SGCD: variants seen among roughly 807,000 people sequenced by gnomAD.
SGCD encodes delta-sarcoglycan.
A neutral mutation model predicts 36.6 loss-of-function variants in SGCD; 18 were observed. The ratio of observed to expected loss-of-function variants is 0.49; its 90% CI spans 0.34 to 0.73. The LOEUF is 0.73. SGCD is among the 30% of genes least tolerant of loss of function. SGCD has a pLI of 0.01. For synonymous variants in SGCD, 133 were observed against 130.6 expected (o/e 1.02, Z -0.12); for missense variants, 387 against 346.7 (o/e 1.12, Z -0.92).
intron 1 of SGCD, among the ~76,000 whole-genome samples, chr5:155,905,813 ACC>A (rs1346592138): frequency 6.6e-6 from 1 of 152,058 alleles, no homozygotes; most frequent in Non-Finnish European, 1.5e-5. Context: ...TCTTGCTGCC[ACC>A]ATGTAAGAAG....
chr5:156,113,119 C>T (rs888870680), intron 1 of SGCD, among the ~76,000 whole-genome samples: 11 of 152,144 alleles, frequency 7.2e-5, no homozygotes, highest in African/African-American at 2.2e-4. Flanking sequence ...GCGGTGAGCC[C>T]ATGCCCCAGA....
intron 3 of SGCD, among the ~76,000 whole-genome samples, chr5:156,486,923 C>A (rs1015199515): frequency 2.0e-5 from 3 of 152,086 alleles, no homozygotes; most frequent in African/African-American, 7.2e-5. Flanking sequence ...GGTTCACTGC[C>A]CCTGTTACCA....
intron 3 of SGCD, among the ~76,000 whole-genome samples, chr5:156,195,103 A>G (rs1224289598): frequency 6.6e-6 from 1 of 152,140 alleles, no homozygotes; most frequent in East Asian, 1.9e-4. Context: ...TCTAACAATG[A>G]TTTTACTCTG....
At chr5:156,411,733 G>T (rs1445259763) in intron 3 of SGCD, among the ~76,000 whole-genome samples, 1 of 152,156 alleles carries the variant, frequency 6.6e-6, no homozygotes, top group Non-Finnish European at 1.5e-5. Context: ...ACCCAGAGAG[G>T]TTTCAGTGTC....
intron 3 of SGCD, among the ~76,000 whole-genome samples, chr5:156,305,904 T>C (rs974287749): frequency 6.6e-5 from 10 of 152,238 alleles, no homozygotes; most frequent in African/African-American, 2.2e-4. Context: ...TAGACTTGAA[T>C]GGGGCCTGTA....
chr5:156,215,513 G>T (rs978232152), intron 3 of SGCD, among the ~76,000 whole-genome samples: 1 of 152,024 alleles, frequency 6.6e-6, no homozygotes, highest in Non-Finnish European at 1.5e-5. Flanking sequence ...TTTACAAATG[G>T]ACAAAGGACC....
At chr5:156,075,964 T>C (rs1760773002) in intron 1 of SGCD, among the ~76,000 whole-genome samples, 1 of 152,170 alleles carries the variant, frequency 6.6e-6, no homozygotes, top group Non-Finnish European at 1.5e-5. Context: ...CCTAAACTAA[T>C]CTTTTTTATT....
chr5:156,245,404 A>T (rs1480131132), intron 3 of SGCD, among the ~76,000 whole-genome samples: 1 of 152,204 alleles, frequency 6.6e-6, no homozygotes, highest in Non-Finnish European at 1.5e-5. Flanking sequence ...ACCATTTTAC[A>T]TTCCCTGTTG....
In SGCD at chr5:156,437,753, G is replaced by A. The variant is rs73812246; in HGVS notation, c.193-70848G>A. Among the ~76,000 whole-genome samples, 1,414 of 152,258 alleles carry A rather than the reference G, an allele frequency of 9.3e-3. 29 individuals carry two copies. The highest frequency in any genetic ancestry group is 0.032 in the African/African-American group (1,334 of 41,550). On this transcript the variant is annotated intron_variant, in intron 3 of 8. Transcript: ENST00000337851. ...GCCAACAGGGGAGATGGCAATTCAG[G>A]GAAATTGAAGAGGAGATAGCTAGTG...
chr5:156,747,472 A>AT (rs2113123664), intron 7 of SGCD, among the ~76,000 whole-genome samples: 1 of 152,250 alleles, frequency 6.6e-6, no homozygotes, highest in South Asian at 2.1e-4. Context: ...GGGAGGGTCC[A>AT]TTTCCAAAAA....
intron 1 of SGCD, among the ~76,000 whole-genome samples, chr5:156,095,929 C>G (rs1761363152): frequency 6.6e-6 from 1 of 152,116 alleles, no homozygotes; most frequent in South Asian, 2.1e-4. Context: ...AGTGACATCC[C>G]AAAAGAGAAA....
the SGCD span, among the ~76,000 whole-genome samples, chr5:155,796,832 A>T: frequency 1.4e-5 from 2 of 141,482 alleles, no homozygotes; most frequent in Non-Finnish European, 3.1e-5. Context: ...AAAAAAAAAA[A>T]TCAATGATTC....
chr5:156,014,290 C>T (rs10454973), intron 1 of SGCD, among the ~76,000 whole-genome samples: 53,477 of 151,792 alleles, frequency 0.35, 10,027 homozygotes, highest in African/African-American at 0.48. Flanking sequence ...AAATGTAGAC[C>T]CCTCTCCTTT....
intron 3 of SGCD, among the ~76,000 whole-genome samples, chr5:156,347,924 C>A (rs933693733): frequency 2.6e-5 from 4 of 152,086 alleles, no homozygotes; most frequent in Admixed American, 6.6e-5. Flanking sequence ...TAAAGCTTTA[C>A]CAAACTTACT....
intron 4 of SGCD, among the ~76,000 whole-genome samples, chr5:156,524,014 A>T (rs1335358080): frequency 6.8e-6 from 1 of 147,092 alleles, no homozygotes; most frequent in Non-Finnish European, 1.5e-5. Context: ...TTGGTGAAAA[A>T]AAAAATGCTT....
At chr5:156,003,252 A>C (rs1173362802) in intron 1 of SGCD, among the ~76,000 whole-genome samples, 2 of 152,208 alleles carry the variant, frequency 1.3e-5, no homozygotes, top group African/African-American at 4.8e-5. Flanking sequence ...ATTAACCTCT[A>C]AACTCTATAA....
chr5:156,295,503 G>T (rs1266377122), intron 3 of SGCD, among the ~76,000 whole-genome samples: 2 of 151,732 alleles, frequency 1.3e-5, no homozygotes, highest in Non-Finnish European at 2.9e-5. Context: ...CTATCATTGG[G>T]TTTCCTTTAT....
intron 4 of SGCD, among the ~76,000 whole-genome samples, chr5:156,572,613 T>A (rs1759767961): frequency 1.3e-5 from 2 of 152,158 alleles, no homozygotes; most frequent in Non-Finnish European, 2.9e-5. Context: ...TGGCCATATT[T>A]CTTAAGTAGA....
chr5:156,487,560 C>A (rs1035975012), intron 3 of SGCD, among the ~76,000 whole-genome samples: 1 of 151,886 alleles, frequency 6.6e-6, no homozygotes, highest in Admixed American at 6.6e-5. Flanking sequence ...AAGGCTGAGG[C>A]GGGTGGATCA....
Sources: allele counts gnomAD v4.1 joint callset (sites outside exome capture counted in the v4.1 genomes callset), GRCh38; gene constraint gnomAD v4.1.1; transcripts MANE v1.5; gene names NCBI Gene and HGNC (gene_info 2026-07-23, HGNC 2026-07-21).